Variants in GPM6A observed in about 807,000 individuals in gnomAD.
GPM6A encodes neuronal membrane glycoprotein M6-a.
Under a neutral mutation model 32.1 loss-of-function variants are expected in GPM6A, and 7 were observed. The ratio of observed to expected loss-of-function variants is 0.22; its 90% CI spans 0.12 to 0.41. The LOEUF (loss-of-function observed/expected upper bound fraction) is 0.41. Among genes scored for constraint, GPM6A ranks in the 10% least tolerant of loss-of-function variants. The pLI, the probability that GPM6A is intolerant of heterozygous loss-of-function variation, is 1.00. For synonymous variants in GPM6A, 130 were observed against 123.4 expected, an observed-to-expected ratio of 1.05 and a Z score of -0.35; for missense variants, 235 against 347.2, an observed-to-expected ratio of 0.68 and a Z score of 2.57.
At chr4:175,877,282 A>G (rs938432022) in intron 1 of GPM6A, among the ~76,000 whole-genome samples, 1 of 152,264 alleles carries the variant, frequency 6.6e-6, no homozygotes, top group East Asian at 1.9e-4. Context: ...TCATTTTTAT[A>G]TGACTATCTA....
chr4:175,800,867 T>C (rs1374062632), intron 1 of GPM6A: 1 of 197,632 alleles, frequency 5.1e-6, no homozygotes, highest in African/African-American at 2.4e-5. Flanking sequence ...TGAGACTCCA[T>C]TGAGTCATGC....
At chr4:175,713,294 C>T (rs1745655457) in intron 1 of GPM6A, among the ~76,000 whole-genome samples, 1 of 152,100 alleles carries the variant, frequency 6.6e-6, no homozygotes, top group African/African-American at 2.4e-5. Context: ...CCTCTGCCTC[C>T]CGATTTCAAG....
intron 1 of GPM6A, among the ~76,000 whole-genome samples, chr4:175,934,949 C>T (rs184299819): frequency 3.3e-5 from 5 of 152,288 alleles, no homozygotes; most frequent in Admixed American, 3.3e-4. Context: ...GTTCAAATCC[C>T]TACCTTATGT....
At chr4:175,879,139 C>T (rs1579590893) in intron 1 of GPM6A, among the ~76,000 whole-genome samples, 1 of 152,092 alleles carries the variant, frequency 6.6e-6, no homozygotes, top group South Asian at 2.1e-4. Context: ...AATTTCATTG[C>T]CCATATCATT....
chr4:175,766,896 C>A (rs1014105646), intron 1 of GPM6A, among the ~76,000 whole-genome samples: 4 of 152,076 alleles, frequency 2.6e-5, no homozygotes, highest in African/African-American at 9.7e-5. Context: ...CTCAGATGAT[C>A]TGCCTGCCTC....
At chr4:175,860,812 A>G (rs1264936786) in intron 1 of GPM6A, among the ~76,000 whole-genome samples, 1 of 152,190 alleles carries the variant, frequency 6.6e-6, no homozygotes, top group African/African-American at 2.4e-5. Flanking sequence ...TACTATGTTT[A>G]AGCAGATGGC....
intron 1 of GPM6A, among the ~76,000 whole-genome samples, chr4:175,933,054 G>T (rs1739102773): frequency 6.6e-6 from 1 of 151,592 alleles, no homozygotes; most frequent in Non-Finnish European, 1.5e-5. Context: ...CTTTGTACAA[G>T]AAATGTCTTT....
intron 1 of GPM6A, among the ~76,000 whole-genome samples, chr4:175,928,622 G>A (rs1738925804): frequency 6.6e-6 from 1 of 152,214 alleles, no homozygotes; most frequent in African/African-American, 2.4e-5. Context: ...AACGAAGTGG[G>A]CGCTGCAGTA....
At chr4:175,968,707 T>C (rs1740407459) in intron 1 of GPM6A, among the ~76,000 whole-genome samples, 1 of 152,034 alleles carries the variant, frequency 6.6e-6, no homozygotes, top group Non-Finnish European at 1.5e-5. Flanking sequence ...TTTAAACAAC[T>C]GAAGGATAAA....
At chr4:175,700,661 A>C (rs1744827893) in intron 2 of GPM6A, among the ~76,000 whole-genome samples, 1 of 152,240 alleles carries the variant, frequency 6.6e-6, no homozygotes, top group Admixed American at 6.5e-5. Context: ...AGGAACATGA[A>C]GAAGATTACA....
chr4:175,930,425 T>G (rs1405678018), intron 1 of GPM6A, among the ~76,000 whole-genome samples: 9 of 124,890 alleles, frequency 7.2e-5, no homozygotes, highest in Admixed American at 1.8e-4. Flanking sequence ...ATCTGTTTTT[T>G]GGGGGGGGGT....
chr4:175,741,677 A>G (rs55958140), intron 1 of GPM6A, among the ~76,000 whole-genome samples: 5,578 of 152,182 alleles, frequency 0.037, 133 homozygotes, highest in South Asian at 0.054. Context: ...TTAATGACTA[A>G]CCTAGATTCT....
At chr4:175,783,882 T>C (rs1308270295) in intron 1 of GPM6A, among the ~76,000 whole-genome samples, 1 of 152,082 alleles carries the variant, frequency 6.6e-6, no homozygotes, top group Non-Finnish European at 1.5e-5. Flanking sequence ...CTCTGAAATA[T>C]CTACCAATTA....
intron 1 of GPM6A, among the ~76,000 whole-genome samples, chr4:175,990,643 G>GTT (rs57270659): frequency 0.16 from 23,286 of 141,904 alleles, 2,037 homozygotes; most frequent in East Asian, 0.24. Context: ...GGGTGAAGTA[G>GTT]TTTTTTTTTT....
chr4:175,873,340 C>T (rs1325945349), intron 1 of GPM6A, among the ~76,000 whole-genome samples: 1 of 151,720 alleles, frequency 6.6e-6, no homozygotes, highest in Non-Finnish European at 1.5e-5. Context: ...ACACTGTAAA[C>T]ATTTTGTATT....
At chr4:175,948,573 T>A (rs932144194) in intron 1 of GPM6A, among the ~76,000 whole-genome samples, 1 of 152,236 alleles carries the variant, frequency 6.6e-6, no homozygotes, top group Non-Finnish European at 1.5e-5. Context: ...TGTTTGACTT[T>A]TGAATATTTG....
intron 1 of GPM6A, among the ~76,000 whole-genome samples, chr4:175,887,917 G>A (rs1579599496): frequency 6.6e-6 from 1 of 151,858 alleles, no homozygotes; most frequent in Non-Finnish European, 1.5e-5. Context: ...AAGCTTTAAG[G>A]AGAGATAATT....
intron 1 of GPM6A, among the ~76,000 whole-genome samples, chr4:175,869,477 A>G (rs1463824631): frequency 6.6e-6 from 1 of 152,044 alleles, no homozygotes; most frequent in Non-Finnish European, 1.5e-5. Context: ...ACAAAACTAC[A>G]TCTGGGCATG....
At chr4:175,762,212 T>G (rs1732776408) in intron 1 of GPM6A, among the ~76,000 whole-genome samples, 1 of 152,224 alleles carries the variant, frequency 6.6e-6, no homozygotes, top group African/African-American at 2.4e-5. Context: ...GTATGCATTT[T>G]ATGACAGTTT....
Sources: allele counts gnomAD v4.1 joint callset (sites outside exome capture counted in the v4.1 genomes callset), GRCh38; gene constraint gnomAD v4.1.1; transcripts MANE v1.5; gene names NCBI Gene and HGNC (gene_info 2026-07-23, HGNC 2026-07-21).